The following ENPP3 variants were observed in gnomAD, a reference collection of about 807,000 sequenced individuals.
The protein encoded by ENPP3 is ectonucleotide pyrophosphatase/phosphodiesterase family member 3.
ENPP3 carries 104 observed loss-of-function variants against 117.8 expected under a neutral mutation model. The observed-to-expected ratio is 0.88, with a 90% CI of 0.75 to 1.04. The LOEUF is 1.04. ENPP3 is among the 50% of genes least tolerant of loss of function. The pLI is 0.00. For missense variants in ENPP3, 1,026 were observed against 1,051.9 expected, an observed-to-expected ratio of 0.98 and a Z score of 0.34; for synonymous variants, 380 against 349.9, an observed-to-expected ratio of 1.09 and a Z score of -0.96.
At chr6:131,717,457 T>C (rs1396112987) in intron 15 of ENPP3, among the ~76,000 whole-genome samples, 1 of 150,274 alleles carries the variant, frequency 6.7e-6, no homozygotes, top group Non-Finnish European at 1.5e-5. Flanking sequence ...AGAGAATCTT[T>C]TAGGGCCAGC....
chr6:131,714,404 ATAAT>A (rs984236741), intron 15 of ENPP3, among the ~76,000 whole-genome samples: 1 of 118,778 alleles, frequency 8.4e-6, no homozygotes, highest in Admixed American at 9.4e-5. Context: ...TGAAAATGAA[ATAAT>A]TAAAGAATAA....
At chr6:131,680,878 G>A in intron 11 of ENPP3, among the ~76,000 whole-genome samples, 1 of 152,160 alleles carries the variant, frequency 6.6e-6, no homozygotes, top group African/African-American at 2.4e-5. Context: ...CAGAATCTGG[G>A]TTCAAGAAAT....
intron 24 of ENPP3, among the ~76,000 whole-genome samples, chr6:131,745,759 T>A (rs931642169): frequency 6.6e-6 from 1 of 152,168 alleles, no homozygotes; most frequent in African/African-American, 2.4e-5. Flanking sequence ...TTTCACTGCC[T>A]ATAGAACTGT....
chr6:131,746,687 A>T, intron 24 of ENPP3, 99 bp from the exon 25 acceptor site: 1 of 1,059,412 alleles, frequency 9.4e-7, no homozygotes. Flanking sequence ...AGGAGGTAAA[A>T]ATCATCGGCA....
At position 131,693,608 on chromosome 6, in the gene ENPP3, C is replaced by T; in HGVS notation, c.1396C>T (p.Gln466Ter). 6.2e-7 allele frequency: 1 copy of T among 1,613,424 alleles called. No individual in the cohort carries two copies. The highest frequency in any genetic ancestry group is 2.2e-5 in the East Asian group (1 of 44,838). Residue 466 changes from glutamine (Q) to a stop codon, truncating the protein, a stop_gained, in exon 15 of 25, where the codon CAG becomes TAG. Transcript: ENST00000357639. LOFTEE classifies it high-confidence loss of function. Reference protein sequence around the residue: ...IDKVHLFVDQQWLAVRSKSNT... With the variant: ...IDKVHLFVDQ ...CAAAGTTCATCTCTTTGTGGATCAA[C>T]AGTGGCTGGCTGTTAGGTTCGTGTA...
chr6:131,692,844 GAT>G (rs1779312025), intron 14 of ENPP3, among the ~76,000 whole-genome samples: 1 of 118,570 alleles, frequency 8.4e-6, no homozygotes, highest in African/African-American at 3.5e-5. Context: ...TATATGATAT[GAT>G]ATATATGATA....
At chr6:131,704,642 C>T (rs1779603807) in intron 15 of ENPP3, among the ~76,000 whole-genome samples, 1 of 150,134 alleles carries the variant, frequency 6.7e-6, no homozygotes, top group Non-Finnish European at 1.5e-5. Flanking sequence ...TGAGGTCCCA[C>T]ATCTGAGTGG....
chr6:131,693,706 T>TA (rs1779341895), intron 15 of ENPP3, 82 bp downstream of exon 15: 8 of 1,343,772 alleles, frequency 6.0e-6, no homozygotes, highest in Non-Finnish European at 8.3e-6. Flanking sequence ...ACCCTGCTAT[T>TA]ATCATCACTG....
chr6:131,660,170 G>A (rs1037190218), intron 6 of ENPP3, among the ~76,000 whole-genome samples: 2 of 152,116 alleles, frequency 1.3e-5, no homozygotes, highest in Non-Finnish European at 2.9e-5. Context: ...ACCACCTGAG[G>A]CTGTTTTGAG....
Position 131,683,078 on chromosome 6 carries a change from G to A in ENPP3, c.1036G>A (p.Asp346Asn). 6.2e-7 allele frequency: 1 copy of A among 1,609,774 alleles called. No homozygotes were observed. Among genetic ancestry groups the A allele is most frequent in the Non-Finnish European group, 8.5e-7 (1 of 1,176,200 alleles). Residue 346 changes from aspartate to asparagine, a missense_variant, in exon 12 of 25, where the codon GAT becomes AAT. Transcript: ENST00000357639. ...GGTAATTAAAGCCTTACAGGTAGTA[G>A]ATCATGCTTTTGGGATGTTGATGGA... Reference protein sequence around the residue: ...ARVIKALQVVDHAFGMLMEGL... With the variant: ...ARVIKALQVVNHAFGMLMEGL...
chr6:131,702,085 T>C (rs1180536398), intron 15 of ENPP3, among the ~76,000 whole-genome samples: 2 of 152,024 alleles, frequency 1.3e-5, no homozygotes, highest in Non-Finnish European at 2.9e-5. Context: ...TAGTACACAG[T>C]TTTTGTTTGA....
At chr6:131,727,825 G>A (rs985689266) in intron 20 of ENPP3, among the ~76,000 whole-genome samples, 2 of 152,156 alleles carry the variant, frequency 1.3e-5, no homozygotes, top group African/African-American at 4.8e-5. Flanking sequence ...TTTAGATCCA[G>A]AGACTGATGA....
rs1028161916 is a variant in ENPP3 at position 131,726,191 on chromosome 6, C to A, written c.1944C>A (p.Val648=). 6.2e-7 allele frequency: 1 copy of A among 1,613,078 alleles called. No individual in the cohort carries two copies. The highest frequency in any genetic ancestry group is 8.5e-7 in the Non-Finnish European group (1 of 1,179,324). The stretch of plus-strand genomic sequence containing the variant: ...TGCCCATGTGGAGTTCATACACAGT[C>A]CCCCAGTTGGTAAGTTCCTGAGTCC... ...MRMPMWSSYT[V]PQLGDTSPLP... Residue 648 remains valine, a synonymous_variant, in exon 20 of 25, where the codon GTC becomes GTA. Transcript: ENST00000357639.
At chr6:131,733,751 A>G (rs1424754275) in intron 21 of ENPP3, 28 bp downstream of exon 21, 2 of 1,608,620 alleles carry the variant, frequency 1.2e-6, no homozygotes, top group African/African-American at 2.7e-5. Flanking sequence ...TTAGAGCAGT[A>G]GCTTAGAAAG....
chr6:131,684,743 C>T (rs1466326481), intron 12 of ENPP3, among the ~76,000 whole-genome samples: 1 of 151,838 alleles, frequency 6.6e-6, no homozygotes, highest in African/African-American at 2.4e-5. Flanking sequence ...GGTTAACTAC[C>T]AAATCTTTTT....
chr6:131,642,569 C>A (rs959957945), intron 2 of ENPP3, among the ~76,000 whole-genome samples: 1 of 151,898 alleles, frequency 6.6e-6, no homozygotes, highest in African/African-American at 2.4e-5. Flanking sequence ...CATGTCCCCC[C>A]GCTTTTTGTT....
intron 6 of ENPP3, 134 bp downstream of exon 6, chr6:131,658,554 A>G (rs12192518): frequency 0.086 from 48,580 of 565,148 alleles, 3,703 homozygotes; most frequent in East Asian, 0.32. Flanking sequence ...ACTTTACCAC[A>G]TGGTTTCTAC....
At chr6:131,645,185 T>C (rs1202308444) in intron 2 of ENPP3, among the ~76,000 whole-genome samples, 4 of 152,234 alleles carry the variant, frequency 2.6e-5, no homozygotes, top group Non-Finnish European at 5.9e-5. Flanking sequence ...GCAGGTTCCC[T>C]TATAAACCTG....
intron 18 of ENPP3, among the ~76,000 whole-genome samples, chr6:131,722,987 C>A (rs901555259): frequency 6.6e-6 from 1 of 152,104 alleles, no homozygotes; most frequent in African/African-American, 2.4e-5. Context: ...CTAGGAGAGG[C>A]CCCAAGGGCA....
Sources: gnomAD v4.1 joint callset for allele counts (sites outside exome capture counted in the v4.1 genomes callset) on GRCh38, gnomAD v4.1.1 for gene constraint, MANE v1.5 for transcripts, NCBI Gene and HGNC (gene_info 2026-07-23, HGNC 2026-07-21) for gene names.